The following PLCB1 variants were observed in gnomAD, a reference collection of about 807,000 sequenced individuals.
PLCB1 encodes phospholipase C beta 1, also known as 1-phosphatidylinositol 4,5-bisphosphate phosphodiesterase beta-1.
PLCB1 carries 46 observed loss-of-function variants against 161.8 expected under a neutral mutation model. That is an observed-to-expected ratio of 0.28 (90% CI 0.22 to 0.36). The LOEUF is 0.36. Ranked by LOEUF, PLCB1 falls within the 10% of genes least tolerant of loss-of-function variation. The pLI, the probability that PLCB1 is intolerant of heterozygous loss-of-function variation, is 1.00. For synonymous variants in PLCB1, 517 were observed against 503.7 expected (o/e 1.03, Z -0.35); for missense variants, 1,016 against 1,472.5 (o/e 0.69, Z 5.07).
At chr20:8,462,555 C>G (rs181705487) in intron 3 of PLCB1, among the ~76,000 whole-genome samples, 263 of 152,278 alleles carry the variant, frequency 1.7e-3, no homozygotes, top group African/African-American at 6.0e-3. Context: ...TAAGTGTTTT[C>G]TTTAGAACTG....
intron 2 of PLCB1, among the ~76,000 whole-genome samples, chr20:8,262,296 G>T (rs575245784): frequency 2.6e-4 from 40 of 151,920 alleles, no homozygotes; most frequent in African/African-American, 8.7e-4. Flanking sequence ...TCACCATGTT[G>T]GTCAGGCTGG....
At chr20:8,809,640 T>A (rs1201653793) in intron 31 of PLCB1, among the ~76,000 whole-genome samples, 1 of 152,212 alleles carries the variant, frequency 6.6e-6, no homozygotes, top group Non-Finnish European at 1.5e-5. Flanking sequence ...TCCCAGTATT[T>A]ATCTGGAGTT....
At chr20:8,553,957 G>A (rs8118056) in intron 3 of PLCB1, among the ~76,000 whole-genome samples, 13,035 of 151,878 alleles carry the variant, frequency 0.086, 998 homozygotes, top group African/African-American at 0.2. Flanking sequence ...AGCCGAGATT[G>A]CACTACTGTT....
rs1394518085 is a variant in PLCB1, at chr20:8,681,086, G to GTGTATATATA, written c.863-3845_863-3844insGTATATATAT. On this transcript the variant is annotated intron_variant, in intron 9 of 31. Transcript: ENST00000338037. ...TATATATGTGTGTATATGTGTGTGT[G>GTGTATATATA]TATATATATATATATATATATATAT... 4.5e-4 allele frequency among the ~76,000 whole-genome samples: 33 copies of GTGTATATATA among 73,832 alleles called. No individual in the cohort carries two copies. The South Asian group carries it at 7.3e-3, about 16-fold the overall frequency. 48.4% of individuals were successfully genotyped at this position (73,832 alleles called of 152,430 possible).
intron 3 of PLCB1, among the ~76,000 whole-genome samples, chr20:8,569,981 G>A (rs1986453680): frequency 6.6e-6 from 1 of 152,150 alleles, no homozygotes; most frequent in African/African-American, 2.4e-5. Flanking sequence ...TGGGCTTCAG[G>A]TTTGAACCAG....
chr20:8,654,910 T>C (rs1326450497), intron 7 of PLCB1, among the ~76,000 whole-genome samples: 2 of 152,078 alleles, frequency 1.3e-5, no homozygotes, highest in African/African-American at 4.8e-5. Context: ...CAGCATTTAA[T>C]GATGCTTACT....
At chr20:8,223,918 G>A (rs1384749719) in intron 2 of PLCB1, among the ~76,000 whole-genome samples, 2 of 152,164 alleles carry the variant, frequency 1.3e-5, no homozygotes, top group Admixed American at 6.5e-5. Flanking sequence ...AAGCACAAAA[G>A]GGATAGAATT....
intron 2 of PLCB1, among the ~76,000 whole-genome samples, chr20:8,348,260 C>G (rs1254895898): frequency 6.6e-6 from 1 of 152,176 alleles, no homozygotes; most frequent in East Asian, 1.9e-4. Context: ...ACAGAACATG[C>G]AACTTTTGCT....
intron 3 of PLCB1, among the ~76,000 whole-genome samples, chr20:8,463,906 C>T (rs949453607): frequency 6.6e-6 from 1 of 152,090 alleles, no homozygotes; most frequent in African/African-American, 2.4e-5. Context: ...TTTTTATTTA[C>T]CTCTCCTTCA....
chr20:8,603,898 G>A (rs1245976979), intron 3 of PLCB1, among the ~76,000 whole-genome samples: 1 of 152,190 alleles, frequency 6.6e-6, no homozygotes, highest in East Asian at 1.9e-4. Flanking sequence ...GAACTAGATA[G>A]AGGTGGTGGT....
At chr20:8,752,196 A>G (rs1403263815) in intron 23 of PLCB1, 1 of 152,170 alleles carries the variant, frequency 6.6e-6, no homozygotes, top group Non-Finnish European at 1.5e-5. Context: ...ACGGTTCCTT[A>G]AGCTGCTGTT....
At chr20:8,516,080 A>G (rs1984097353) in intron 3 of PLCB1, among the ~76,000 whole-genome samples, 1 of 152,194 alleles carries the variant, frequency 6.6e-6, no homozygotes, top group Non-Finnish European at 1.5e-5. Context: ...GTTCACTAAC[A>G]TGAAAATGGC....
intron 2 of PLCB1, among the ~76,000 whole-genome samples, chr20:8,309,358 A>G (rs1325039042): frequency 6.6e-6 from 1 of 152,216 alleles, no homozygotes; most frequent in Non-Finnish European, 1.5e-5. Flanking sequence ...GGTCCTGCAG[A>G]TAGAACTAAG....
chr20:8,282,118 T>C (rs1025509528), intron 2 of PLCB1, among the ~76,000 whole-genome samples: 1 of 152,208 alleles, frequency 6.6e-6, no homozygotes, highest in African/African-American at 2.4e-5. Context: ...AGTATTACCA[T>C]GTACTATATG....
intron 2 of PLCB1, among the ~76,000 whole-genome samples, chr20:8,344,373 AC>A (rs1254454544): frequency 3.9e-5 from 6 of 152,326 alleles, no homozygotes; most frequent in African/African-American, 1.4e-4. Context: ...GCACACAAGT[AC>A]AAAAGGGAAC....
At position 8,884,803 on chromosome 20, in the gene PLCB1, A is replaced by AATT. The variant is rs1398658501; in HGVS notation, c.*2955_*2957dup. On this transcript the variant is annotated 3_prime_UTR_variant, in exon 32 of 32. Coordinates refer to ENST00000338037, the MANE Select transcript of PLCB1 (RefSeq NM_015192.4). Reference sequence around the variant, plus strand: ...AATGCATAATTCACATTTTTGTAATAATTCTATGCAATTTTGTGGCATGAT... The same window carrying AATT: ...AATGCATAATTCACATTTTTGTAATAATTATTCTATGCAATTTTGTGGCATGAT... 6.6e-6 allele frequency: 1 copy of AATT among 152,666 alleles called. No individual in the cohort carries two copies. The highest frequency in any genetic ancestry group is 1.5e-5 in the Non-Finnish European group (1 of 68,052). The allele number at this position is 152,666 out of a possible 1,614,324, so 9.5% of individuals were successfully genotyped here.
chr20:8,406,609 G>A (rs6055798), intron 3 of PLCB1, among the ~76,000 whole-genome samples: 23 of 152,262 alleles, frequency 1.5e-4, no homozygotes, highest in African/African-American at 5.5e-4. Flanking sequence ...AGTATTCCAA[G>A]GCAGCAAAAG....
chr20:8,439,795 G>A (rs969416733), intron 3 of PLCB1, among the ~76,000 whole-genome samples: 6 of 150,360 alleles, frequency 4.0e-5, no homozygotes, highest in Admixed American at 2.0e-4. Flanking sequence ...CTTCTAGGTC[G>A]TTGACCTTTT....
chr20:8,673,844 TAAAGATCAG>T (rs1316617523), intron 9 of PLCB1, among the ~76,000 whole-genome samples: 2 of 152,230 alleles, frequency 1.3e-5, no homozygotes, highest in East Asian at 3.9e-4. Context: ...TTGTGAGTTC[TAAAGATCAG>T]CAGTGAACTA....
Sources: gnomAD v4.1 joint callset for allele counts (sites outside exome capture counted in the v4.1 genomes callset) on GRCh38, gnomAD v4.1.1 for gene constraint, MANE v1.5 for transcripts, NCBI Gene and HGNC (gene_info 2026-07-23, HGNC 2026-07-21) for gene names.